SKOR1: variants seen among roughly 807,000 people sequenced by gnomAD.
SKOR1 encodes LBX1 corepressor 1.
In SKOR1, 38 loss-of-function variants were observed where a neutral mutation model predicts 72.4. The ratio of observed to expected loss-of-function variants is 0.52; its 90% CI spans 0.40 to 0.69. The LOEUF (loss-of-function observed/expected upper bound fraction) is 0.69, where lower values mean the gene tolerates loss of function less well. SKOR1 is among the 30% of genes least tolerant of loss of function. SKOR1 has a pLI of 0.00. For missense variants in SKOR1, 1,320 were observed against 1,343.2 expected (o/e 0.98, Z 0.27); for synonymous variants, 642 against 599.4 (o/e 1.07, Z -1.04).
Position 67,827,445 on chromosome 15 carries a change from C to T in SKOR1, c.1617C>T (p.Ala539=), listed in dbSNP as rs1205593878. ...GSGAPEPLDG[A]EPAKESGLGA... is the part of the protein sequence containing the mutation. ...GTGCCCCAGAGCCCCTGGACGGTGC[C>T]GAGCCAGCCAAAGAGAGTGGCCTCG... Residue 539 remains alanine (A), a synonymous_variant, in exon 2 of 9, where the codon GCC becomes GCT. Transcript: ENST00000380035. The T allele has an allele frequency of 6.6e-7, 1 of 1,523,232 alleles. No individual in the cohort carries two copies. Among genetic ancestry groups the T allele is most frequent in the African/African-American group, 1.4e-5 (1 of 70,756 alleles). 94.4% of individuals were successfully genotyped at this position (1,523,232 alleles called of 1,614,324 possible).
rs1597021465 is a variant in SKOR1, at chr15:67,833,889, A to C, written c.*53A>C. ...TCAAGCCATGCTGCTCCTTGTAAAT[A>C]CCCGCTGCTGCGGTGGCCCTGAGCG... On this transcript the variant is annotated 3_prime_UTR_variant, in exon 9 of 9. Transcript: ENST00000380035. This position sits in a 1 kb window ranked among gnomAD's most constrained non-coding sequence, Gnocchi z 6.0. 1.3e-6 allele frequency: 2 copies of C among 1,556,896 alleles called. No homozygotes were observed. Among genetic ancestry groups the C allele is most frequent in the Non-Finnish European group, 8.8e-7 (1 of 1,140,422 alleles).
At position 67,832,212 on chromosome 15, in the gene SKOR1, C is replaced by T. The variant is rs1322568311; in HGVS notation, c.2588-62C>T. 8 of 1,529,094 alleles carry T rather than the reference C, an allele frequency of 5.2e-6. No homozygotes were observed. The South Asian group carries it at 7.9e-5, about 15-fold the overall frequency. The allele number at this position is 1,529,094 out of a possible 1,614,324, so 94.7% of individuals were successfully genotyped here. ...TTCAGGGTTGTTGGCCAAGGCAGAA[C>T]CTGAGCTCCAAATAACCCTGCTTTA... is the stretch of plus-strand genomic sequence containing the variant. On this transcript the variant is annotated intron_variant, in intron 5 of 8. Coordinates refer to ENST00000380035, the MANE Select transcript of SKOR1 (RefSeq NM_001365915.1). This position sits in a 1 kb window ranked among gnomAD's most constrained non-coding sequence, Gnocchi z 4.5.
At chr15:67,829,325 C>A in intron 3 of SKOR1, 56 bp downstream of exon 3, 1 of 1,430,244 alleles carries the variant, frequency 7.0e-7, no homozygotes, top group Non-Finnish European at 9.4e-7. Context: ...GACAGAGGGC[C>A]GGGGTCAAGG....
chr15:67,826,730 G>T lies in SKOR1; in HGVS notation c.902G>T (p.Gly301Val). ...NGGSGGQGKG[G>V]AGGGGGGGPG... is the part of the protein sequence containing the mutation. ...GGGTCGGGTGGGCAGGGGAAGGGTG[G>T]TGCTGGCGGCGGTGGCGGCGGTGGC... Residue 301 changes from glycine (G) to valine (V), a missense_variant, in exon 2 of 9, where the codon GGT becomes GTT. Physicochemically the swap from Gly to Val is moderately radical, Grantham distance 109. Around this residue, in one of 3 missense-constraint regions of SKOR1, gnomAD observed 1,099 missense variants for 1,025.5 expected, o/e 1.07. Coordinates refer to ENST00000380035, the MANE Select transcript of SKOR1 (RefSeq NM_001365915.1). 4 of 1,541,422 alleles carry T rather than the reference G, an allele frequency of 2.6e-6. No homozygotes were observed. The highest frequency in any genetic ancestry group is 3.5e-6 in the Non-Finnish European group (4 of 1,147,308).
In SKOR1 at chr15:67,833,049, G is replaced by T; in HGVS notation, c.2738-143G>T. 2.5e-6 allele frequency: 2 copies of T among 807,476 alleles called. No individual in the cohort carries two copies. Among genetic ancestry groups the T allele is most frequent in the Non-Finnish European group, 4.1e-6 (2 of 490,682 alleles). 50.0% of individuals were successfully genotyped at this position (807,476 alleles called of 1,614,324 possible). On this transcript the variant is annotated intron_variant, in intron 7 of 8. Transcript: ENST00000380035. This position sits in a 1 kb window ranked among gnomAD's most constrained non-coding sequence, Gnocchi z 6.0. ...CCTTCCTCCGCCAGTCTGCAGTTAG[G>T]AGCTCCGGTACCCCCTCCCCCATCC...
rs982051327 is a variant in SKOR1, at chr15:67,827,899, G to T, written c.2071G>T (p.Gly691Cys). 1.3e-6 allele frequency: 2 copies of T among 1,599,732 alleles called. No individual in the cohort carries two copies. The highest frequency in any genetic ancestry group is 2.3e-5 in the South Asian group (2 of 88,884). Residue 691 changes from glycine (G) to cysteine (C), a missense_variant, in exon 2 of 9, where the codon GGT becomes TGT. Gly to Cys is a radical substitution (Grantham distance 159). This residue lies in a region of SKOR1 where 1,099 missense variants were observed against 1,025.5 expected (regional missense o/e 1.07). Transcript: ENST00000380035. ...ACCCAGCGCAGGGGGCGGCCCAGAC[G>T]GTGAACAGCCCACTGGACCCCCTTC... Reference protein sequence around the residue: ...SAPSAGGGPDGEQPTGPPSAT... With the variant: ...SAPSAGGGPDCEQPTGPPSAT...
At position 67,827,954 on chromosome 15, in the gene SKOR1, C is replaced by T. The variant is rs756447847; in HGVS notation, c.2126C>T (p.Ala709Val). The T allele has an allele frequency of 6.4e-7, 1 of 1,564,708 alleles. No individual in the cohort carries two copies. The highest frequency in any genetic ancestry group is 8.6e-7 in the Non-Finnish European group (1 of 1,157,370). Residue 709 changes from alanine to valine, a missense_variant, in exon 2 of 9, where the codon GCA becomes GTA. Ala to Val is a moderately conservative substitution (Grantham distance 64). Coordinates refer to ENST00000380035, the MANE Select transcript of SKOR1 (RefSeq NM_001365915.1). ...SATSSGADGP[A>V]NSPDGGSPRP... Reference sequence around the variant, plus strand: ...ACCTCCTCTGGCGCGGACGGTCCCGCAAACTCTCCCGACGGCGGCAGCCCC... The same window carrying T: ...ACCTCCTCTGGCGCGGACGGTCCCGTAAACTCTCCCGACGGCGGCAGCCCC...
rs2090967032 is a variant in SKOR1 at position 67,827,164 on chromosome 15, T to C, written c.1336T>C (p.Leu446=). 1 of 1,344,498 alleles carries C rather than the reference T, an allele frequency of 7.4e-7. No homozygotes were observed. Among genetic ancestry groups the C allele is most frequent in the Non-Finnish European group, 9.4e-7 (1 of 1,059,494 alleles). 83.3% of individuals were successfully genotyped at this position (1,344,498 alleles called of 1,614,324 possible). A position where few individuals can be genotyped will look rare whatever the true frequency, so the allele number is the denominator to read the frequency against. Residue 446 remains leucine, a synonymous_variant, in exon 2 of 9, where the codon TTG becomes CTG. Transcript: ENST00000380035. ...GGAGGPGASH[L]PPGAGAGPGG... is the part of the protein sequence containing the mutation. ...TGCGGGGGGCCCGGGAGCCAGCCAC[T>C]TGCCCCCGGGGGCAGGGGCGGGCCC...
At chr15:67,830,700 C>A in intron 4 of SKOR1, 118 bp from the exon 5 acceptor site, 1 of 941,162 alleles carries the variant, frequency 1.1e-6, no homozygotes, top group Non-Finnish European at 1.7e-6. Flanking sequence ...ACTGTCTCCT[C>A]TAAAGGCAGA....
intron 4 of SKOR1, 130 bp downstream of exon 4, chr15:67,830,428 C>T: frequency 1.3e-6 from 1 of 782,834 alleles, no homozygotes; most frequent in Non-Finnish European, 2.1e-6. Context: ...TCTTCCTCGG[C>T]GAGCAGATAA....
Position 67,829,263 on chromosome 15 carries a change from G to A in SKOR1, c.2401G>A (p.Ala801Thr), listed in dbSNP as rs1005589762. The change falls in exon 3 of 9, where the codon GCC becomes ACC. Residue 801 changes from alanine to threonine, a missense_variant. Physicochemically the swap from Ala to Thr is moderately conservative, Grantham distance 58 (BLOSUM62 0). Transcript: ENST00000380035. Reference protein sequence around the residue: ...PAASYVCTPEAHEPDKEDNHS... With the variant: ...PAASYVCTPETHEPDKEDNHS... ...GGCCTCCTACGTCTGCACCCCCGAG[G>A]CCCACGGTAACGCCTGTCGCGGCCG... is the stretch of plus-strand genomic sequence containing the variant. 7 of 1,551,678 alleles carry A rather than the reference G, an allele frequency of 4.5e-6. No homozygotes were observed. The highest frequency in any genetic ancestry group is 5.2e-6 in the Non-Finnish European group (6 of 1,155,816).
At position 67,826,127 on chromosome 15, in the gene SKOR1, T is replaced by C; in HGVS notation, c.299T>C (p.Leu100Pro). The part of the protein sequence containing the change: ...LVIDGQERLC[L>P]AQISNTLLKN... The stretch of plus-strand genomic sequence containing the variant: ...ATCGACGGCCAGGAGCGCCTATGCC[T>C]GGCGCAGATCTCCAACACCCTCCTC... Residue 100 changes from leucine (L) to proline (P), a missense_variant, in exon 2 of 9, where the codon CTG becomes CCG. Physicochemically the swap from Leu to Pro is moderately conservative, Grantham distance 98. Coordinates refer to ENST00000380035, the MANE Select transcript of SKOR1 (RefSeq NM_001365915.1). The C allele has an allele frequency of 1.2e-6, 2 of 1,604,554 alleles. No homozygotes were observed. Among genetic ancestry groups the C allele is most frequent in the Non-Finnish European group, 1.7e-6 (2 of 1,173,218 alleles).
rs1050897399 is a variant in SKOR1 at position 67,827,538 on chromosome 15, G to C, written c.1710G>C (p.Ala570=). The C allele has an allele frequency of 3.0e-5, 46 of 1,520,876 alleles. No homozygotes were observed. The highest frequency in any genetic ancestry group is 4.0e-5 in the Non-Finnish European group (46 of 1,141,288). The allele number at this position is 1,520,876 out of a possible 1,614,324, so 94.2% of individuals were successfully genotyped here. A position where few individuals can be genotyped will look rare whatever the true frequency, so the allele number is the denominator to read the frequency against. Residue 570 remains alanine (A), a synonymous_variant, in exon 2 of 9, where the codon GCG becomes GCC. Coordinates refer to ENST00000380035, the MANE Select transcript of SKOR1 (RefSeq NM_001365915.1). ...TGGACGAAGACGGCACGGACGAGGC[G>C]CTGCCACCGCCCCTGGCCCCGTTGC... ...GPLDEDGTDE[A]LPPPLAPLPP...
chr15:67,829,232 GC>G lies in SKOR1; in HGVS notation c.2373del (p.Ala792ArgfsTer103). The stretch of plus-strand genomic sequence containing the variant: ...TGAAGAGCGCGGCGGTGGCGCTGGG[GC>G]CCGCGGCCTCCTACGTCTGCACCCC... ...HVKSAAVALG[P>X]AASYVCTPEA... is the part of the protein sequence containing the mutation. On this transcript the variant is annotated frameshift_variant, in exon 3 of 9. Coordinates refer to ENST00000380035, the MANE Select transcript of SKOR1 (RefSeq NM_001365915.1). LOFTEE classifies it high-confidence loss of function. 1 of 1,572,916 alleles carries G rather than the reference GC, an allele frequency of 6.4e-7. No individual in the cohort carries two copies. The highest frequency in any genetic ancestry group is 8.6e-7 in the Non-Finnish European group (1 of 1,166,990).
Position 67,827,388 on chromosome 15 carries a change from A to G in SKOR1, c.1560A>G (p.Ala520=), listed in dbSNP as rs777203621. Residue 520 remains alanine, a synonymous_variant, in exon 2 of 9, where the codon GCA becomes GCG. Transcript: ENST00000380035. ...CCGTGGCGGCAGCCGTGGCGGCGGC[A>G]GCGGCGGCGGCAGCGGCAGCTGCTG... is the stretch of plus-strand genomic sequence containing the variant. The part of the protein sequence containing the change: ...AKAVAAAVAA[A]AAAAAAAAGS... 2 of 1,547,968 alleles carry G rather than the reference A, an allele frequency of 1.3e-6. No homozygotes were observed. The highest frequency in any genetic ancestry group is 1.7e-6 in the Non-Finnish European group (2 of 1,156,310).
chr15:67,829,904 T>C (rs2141368414), intron 3 of SKOR1, among the ~76,000 whole-genome samples: 1 of 152,262 alleles, frequency 6.6e-6, no homozygotes, highest in Admixed American at 6.5e-5. Context: ...TGCCCCAGTA[T>C]CTGCGCGCGA....
rs768051732 is a variant in SKOR1, at chr15:67,827,340, C to A, written c.1512C>A (p.Pro504=). ...AAGSLPVPSY[P]AAQSQAKAVA... is the part of the protein sequence containing the mutation. ...GCAGCCTCCCGGTACCGTCCTACCC[C>A]GCTGCTCAGAGCCAAGCCAAGGCCG... The change falls in exon 2 of 9, where the codon CCC becomes CCA. Residue 504 remains proline (P), a synonymous_variant. Coordinates refer to ENST00000380035, the MANE Select transcript of SKOR1 (RefSeq NM_001365915.1). 1 of 1,588,092 alleles carries A rather than the reference C, an allele frequency of 6.3e-7. No individual in the cohort carries two copies. Among genetic ancestry groups the A allele is most frequent in the South Asian group, 1.1e-5 (1 of 89,896 alleles).
rs1369876200 is a variant in SKOR1 at position 67,827,978 on chromosome 15, C to T, written c.2150C>T (p.Pro717Leu). 8 of 1,541,044 alleles carry T rather than the reference C, an allele frequency of 5.2e-6. No homozygotes were observed. The highest frequency in any genetic ancestry group is 1.7e-4 in the Middle Eastern group (1 of 5,840). ...GCAAACTCTCCCGACGGCGGCAGCC[C>T]CCGCCCCCGGCGCCGCCTCGGGCCA... is the stretch of plus-strand genomic sequence containing the variant. The part of the protein sequence containing the change: ...GPANSPDGGS[P>L]RPRRRLGPPP... The change falls in exon 2 of 9, where the codon CCC (proline) becomes CTC (leucine). Residue 717 changes from proline to leucine, a missense_variant. This residue lies in a region of SKOR1 where 1,099 missense variants were observed against 1,025.5 expected (regional missense o/e 1.07). Transcript: ENST00000380035.
rs759253274 is a variant in SKOR1 at position 67,832,387 on chromosome 15, G to C, written c.2662+39G>C. ...TCCTGCCTCACCCCACCTCATCACC[G>C]AGCCTTCCACCAGGGTGCCCCGACC... On this transcript the variant is annotated intron_variant, in intron 6 of 8. Transcript: ENST00000380035. This position sits in a 1 kb window ranked among gnomAD's most constrained non-coding sequence, Gnocchi z 4.5. 6.2e-7 allele frequency: 1 copy of C among 1,607,752 alleles called. No individual in the cohort carries two copies. The highest frequency in any genetic ancestry group is 1.3e-5 in the African/African-American group (1 of 74,930).
Sources: allele counts gnomAD v4.1 joint callset (sites outside exome capture counted in the v4.1 genomes callset), GRCh38; gene constraint gnomAD v4.1.1; regional missense constraint gnomAD v4.1.1; non-coding constraint Gnocchi (gnomAD v3.1); transcripts MANE v1.5; gene names NCBI Gene and HGNC (gene_info 2026-07-23, HGNC 2026-07-21).